FNDC3B: variants seen among roughly 807,000 people sequenced by gnomAD.
The protein encoded by FNDC3B is fibronectin type III domain containing 3B.
A neutral mutation model predicts 151.5 loss-of-function variants in FNDC3B; 12 were observed. That is an observed-to-expected ratio of 0.08 (90% CI 0.05 to 0.13). FNDC3B has a LOEUF of 0.13. FNDC3B is among the 10% of genes least tolerant of loss of function. The pLI is 1.00. For missense variants in FNDC3B, 1,214 were observed against 1,505.3 expected (o/e 0.81, Z 3.20); for synonymous variants, 528 against 549.0 (o/e 0.96, Z 0.54).
intron 3 of FNDC3B, among the ~76,000 whole-genome samples, chr3:172,163,512 G>A (rs560048321): frequency 4.6e-5 from 7 of 151,994 alleles, no homozygotes; most frequent in Admixed American, 1.3e-4. Context: ...ACACATGCAC[G>A]CACACATGCA....
At chr3:172,323,949 C>T (rs553615742) in intron 11 of FNDC3B, among the ~76,000 whole-genome samples, 4 of 152,198 alleles carry the variant, frequency 2.6e-5, no homozygotes, top group African/African-American at 9.6e-5. Flanking sequence ...GGACTTCCCC[C>T]CAAAGGTGAT....
chr3:172,081,911 T>C (rs1718298193), intron 1 of FNDC3B, among the ~76,000 whole-genome samples: 1 of 152,232 alleles, frequency 6.6e-6, no homozygotes, highest in African/African-American at 2.4e-5. Context: ...AATAATTTCC[T>C]CTTGTTTTAT....
intron 3 of FNDC3B, among the ~76,000 whole-genome samples, chr3:172,145,478 C>G (rs1721856581): frequency 6.6e-6 from 1 of 152,194 alleles, no homozygotes; most frequent in African/African-American, 2.4e-5. Context: ...AAATGTCAAA[C>G]TGTTTGTTCT....
chr3:172,301,794 C>G (rs1730924703), intron 9 of FNDC3B: 1 of 152,102 alleles, frequency 6.6e-6, no homozygotes, highest in South Asian at 2.1e-4. Context: ...GGGGTTGAGG[C>G]TGTAGTGAGC....
At position 172,070,305 on chromosome 3, in the gene FNDC3B, G is replaced by A. The variant is rs375840144; in HGVS notation, c.-29+30534G>A. 7.3e-5 allele frequency among the ~76,000 whole-genome samples: 11 copies of A among 151,194 alleles called. No individual in the cohort carries two copies. In the East Asian group the frequency reaches 1.8e-3, roughly 24 times the overall value. Reference sequence around the variant, plus strand: ...ATCTGTCAATAGAGTGCAACCTTTCGAAAGTCTTAAAAAATAGGGTACATC... The same window carrying A: ...ATCTGTCAATAGAGTGCAACCTTTCAAAAGTCTTAAAAAATAGGGTACATC... On this transcript the variant is annotated intron_variant, in intron 1 of 25. Coordinates refer to ENST00000415807, the MANE Select transcript of FNDC3B (RefSeq NM_022763.4).
chr3:172,304,193 C>A (rs1485761414), intron 9 of FNDC3B, among the ~76,000 whole-genome samples: 1 of 152,144 alleles, frequency 6.6e-6, no homozygotes, highest in African/African-American at 2.4e-5. Context: ...TCCAAGAATC[C>A]CACTAAAAAT....
At chr3:172,093,248 C>A (rs1454287844) in intron 1 of FNDC3B, among the ~76,000 whole-genome samples, 4 of 151,702 alleles carry the variant, frequency 2.6e-5, no homozygotes, top group African/African-American at 7.3e-5. Context: ...GTATCCCCAC[C>A]CCACCCAGCT....
chr3:172,344,026 G>T (rs1209648166), intron 18 of FNDC3B, 60 bp from the exon 19 acceptor site: 2 of 1,489,558 alleles, frequency 1.3e-6, no homozygotes, highest in Admixed American at 3.8e-5. Context: ...GAAATCTGGT[G>T]CACTTTGGTC....
intron 23 of FNDC3B, among the ~76,000 whole-genome samples, chr3:172,375,676 G>C (rs1254724600): frequency 1.3e-5 from 2 of 152,208 alleles, no homozygotes; most frequent in Non-Finnish European, 2.9e-5. Flanking sequence ...GCTTTGATCA[G>C]AGCAACGAGC....
intron 3 of FNDC3B, among the ~76,000 whole-genome samples, chr3:172,202,939 C>A (rs1725232149): frequency 6.6e-6 from 1 of 152,186 alleles, no homozygotes; most frequent in African/African-American, 2.4e-5. Context: ...CATACAGTCT[C>A]TGATGCATAC....
chr3:172,098,209 A>G (rs1170646402), intron 1 of FNDC3B, among the ~76,000 whole-genome samples: 5 of 152,158 alleles, frequency 3.3e-5, no homozygotes, highest in Non-Finnish European at 5.9e-5. Flanking sequence ...GTACTTCCTT[A>G]CATGCTCAAG....
intron 3 of FNDC3B, among the ~76,000 whole-genome samples, chr3:172,149,577 G>A (rs978997563): frequency 6.6e-6 from 1 of 152,032 alleles, no homozygotes; most frequent in African/African-American, 2.4e-5. Context: ...AGGTTCAAGT[G>A]TGGGCAGATT....
intron 3 of FNDC3B, among the ~76,000 whole-genome samples, chr3:172,219,527 A>G (rs964720093): frequency 1.3e-5 from 2 of 152,336 alleles, no homozygotes; most frequent in Admixed American, 6.5e-5. Context: ...CCTATTCACA[A>G]TGTTATGCAA....
chr3:172,401,150 C>T lies in FNDC3B; in HGVS notation c.*3675C>T, dbSNP rs1322823609. The T allele has an allele frequency of 2.0e-5, 3 of 152,252 alleles. No individual in the cohort carries two copies. The highest frequency in any genetic ancestry group is 4.8e-5 in the African/African-American group (2 of 41,390). 9.4% of individuals were successfully genotyped at this position (152,252 alleles called of 1,614,324 possible). On this transcript the variant is annotated 3_prime_UTR_variant, in exon 26 of 26. Coordinates refer to ENST00000415807, the MANE Select transcript of FNDC3B (RefSeq NM_022763.4). ...GTTGGCCAAGATGGTCTCGATCTGACCTCGTGATCTGCCCGCCTCGGCCTC... is the reference window on the plus strand; with the variant it reads ...GTTGGCCAAGATGGTCTCGATCTGATCTCGTGATCTGCCCGCCTCGGCCTC...
intron 3 of FNDC3B, among the ~76,000 whole-genome samples, chr3:172,223,938 A>G (rs1726420800): frequency 6.6e-6 from 1 of 152,260 alleles, no homozygotes; most frequent in East Asian, 1.9e-4. Flanking sequence ...TTTAAACCTG[A>G]CCATATGAAG....
At chr3:172,044,421 A>T (rs1716261041) in intron 1 of FNDC3B, among the ~76,000 whole-genome samples, 1 of 151,356 alleles carries the variant, frequency 6.6e-6, no homozygotes, top group African/African-American at 2.4e-5. Flanking sequence ...TTCCATAGTT[A>T]TGGTACTGTC....
chr3:172,087,199 T>C (rs1718590332), intron 1 of FNDC3B, among the ~76,000 whole-genome samples: 1 of 152,252 alleles, frequency 6.6e-6, no homozygotes, highest in African/African-American at 2.4e-5. Context: ...TTAGGTAATG[T>C]ACTTCTAGTT....
chr3:172,140,994 G>A (rs146870310), intron 3 of FNDC3B, among the ~76,000 whole-genome samples: 76 of 152,234 alleles, frequency 5.0e-4, no homozygotes, highest in African/African-American at 1.6e-3. Flanking sequence ...TGGTCATTTC[G>A]TAGCTAATGC....
At chr3:172,146,922 T>C (rs1334621385) in intron 3 of FNDC3B, among the ~76,000 whole-genome samples, 2 of 152,230 alleles carry the variant, frequency 1.3e-5, no homozygotes, top group African/African-American at 4.8e-5. Context: ...AGTTCACGTA[T>C]GTTTAACGAA....
Sources: gnomAD v4.1 joint callset for allele counts (sites outside exome capture counted in the v4.1 genomes callset) on GRCh38, gnomAD v4.1.1 for gene constraint, MANE v1.5 for transcripts, NCBI Gene and HGNC (gene_info 2026-07-23, HGNC 2026-07-21) for gene names.